The following MMP26 variants were observed in gnomAD, a reference collection of about 807,000 sequenced individuals.
The protein encoded by MMP26 is matrix metalloproteinase-26.
A neutral mutation model predicts 31.0 loss-of-function variants in MMP26; 33 were observed. The observed-to-expected ratio is 1.06, with a 90% CI of 0.81 to 1.42. The LOEUF (loss-of-function observed/expected upper bound fraction) is 1.42. MMP26 is among the 40% of genes most tolerant of loss of function. The probability of loss-of-function intolerance (pLI) is 0.00; values close to 1 mark genes in which losing one functional copy is unlikely to be tolerated. For synonymous variants in MMP26, 122 were observed against 114.9 expected, an observed-to-expected ratio of 1.06 and a Z score of -0.40; for missense variants, 347 against 316.1, an observed-to-expected ratio of 1.10 and a Z score of -0.74.
At chr11:4,783,467 C>T (rs34740482) in intron 2 of MMP26, among the ~76,000 whole-genome samples, 14,432 of 152,160 alleles carry the variant, frequency 0.095, 853 homozygotes, top group Middle Eastern at 0.15. Context: ...AACTTGCTTT[C>T]GATTTTACAG....
At chr11:4,988,398 A>G in intron 3 of MMP26, 88 bp downstream of exon 3, 1 of 899,472 alleles carries the variant, frequency 1.1e-6, no homozygotes, top group South Asian at 1.3e-5. Flanking sequence ...ACTGCATGGT[A>G]TAATGATAAA....
At chr11:4,933,679 C>T (rs1387259884) in intron 2 of MMP26, among the ~76,000 whole-genome samples, 1 of 150,712 alleles carries the variant, frequency 6.6e-6, no homozygotes, top group Non-Finnish European at 1.5e-5. Flanking sequence ...CCCACTAACT[C>T]GTCATCTAGC....
chr11:4,743,432 G>A (rs1848340059), intron 1 of MMP26, among the ~76,000 whole-genome samples: 1 of 152,130 alleles, frequency 6.6e-6, no homozygotes, highest in Admixed American at 6.5e-5. Context: ...TTAAGGATTT[G>A]AGCTATGGAT....
intron 2 of MMP26, chr11:4,803,623 G>T (rs762936076): frequency 1.2e-6 from 2 of 1,613,976 alleles, no homozygotes. Context: ...GATATAAAGA[G>T]CCAAGATGAC....
intron 2 of MMP26, chr11:4,881,684 T>G: frequency 5.5e-6 from 3 of 547,188 alleles, no homozygotes; most frequent in Non-Finnish European, 9.8e-6. Flanking sequence ...ACTTTGGAGT[T>G]AGTAAATTTG....
chr11:4,800,995 G>C (rs774114745), intron 2 of MMP26, among the ~76,000 whole-genome samples: 20 of 152,116 alleles, frequency 1.3e-4, no homozygotes, highest in Non-Finnish European at 2.5e-4. Context: ...CATCAGCCTG[G>C]ATTTTACTGT....
chr11:4,768,284 C>G (rs536855842), intron 2 of MMP26, among the ~76,000 whole-genome samples: 1 of 152,146 alleles, frequency 6.6e-6, no homozygotes, highest in Admixed American at 6.6e-5. Context: ...ACCCCTAAAG[C>G]TTTTCTTTGG....
intron 2 of MMP26, among the ~76,000 whole-genome samples, chr11:4,820,654 C>A (rs1000579753): frequency 2.0e-5 from 3 of 151,974 alleles, no homozygotes; most frequent in Non-Finnish European, 4.4e-5. Flanking sequence ...CCTCCTCTGT[C>A]ATCGTTGTCT....
intron 2 of MMP26, among the ~76,000 whole-genome samples, chr11:4,902,616 C>G (rs1482362252): frequency 6.6e-6 from 1 of 152,088 alleles, no homozygotes; most frequent in East Asian, 1.9e-4. Context: ...ATTCTTGTGT[C>G]TTTTGCAAAT....
intron 1 of MMP26, among the ~76,000 whole-genome samples, chr11:4,733,387 C>T (rs1848198845): frequency 6.6e-6 from 1 of 151,998 alleles, no homozygotes; most frequent in African/African-American, 2.4e-5. Flanking sequence ...AAGTCTTATG[C>T]CTCTTTAATT....
intron 1 of MMP26, among the ~76,000 whole-genome samples, chr11:4,745,298 A>T (rs558503337): frequency 6.6e-6 from 1 of 152,354 alleles, no homozygotes; most frequent in South Asian, 2.1e-4. Context: ...ATACGGTTGC[A>T]TTTGTAGCTC....
At chr11:4,903,627 G>T (rs975502652) in intron 2 of MMP26, among the ~76,000 whole-genome samples, 9 of 152,192 alleles carry the variant, frequency 5.9e-5, no homozygotes, top group African/African-American at 2.2e-4. Context: ...AAGGTACAAT[G>T]AATACAAAGT....
rs114680009 is a variant in MMP26 at position 4,814,930 on chromosome 11, G to A, written c.-145+47589G>A. ...CGCACCCGTGGCACAGCTTCAGGAG[G>A]TCCTGACGACTTGTGCCCAACAGAG... On this transcript the variant is annotated intron_variant, in intron 2 of 7. Transcript: ENST00000380390. Among the ~76,000 whole-genome samples, 69 of 152,264 alleles carry A rather than the reference G, an allele frequency of 4.5e-4. 1 individual carries two copies. The highest frequency in any genetic ancestry group is 1.6e-3 in the African/African-American group (65 of 41,552).
chr11:4,967,357 T>C (rs763023782), intron 2 of MMP26, among the ~76,000 whole-genome samples: 4 of 152,208 alleles, frequency 2.6e-5, no homozygotes, highest in Non-Finnish European at 5.9e-5. Flanking sequence ...AGAATCGCAA[T>C]TAACTGCAAA....
chr11:4,795,546 A>G (rs1849094032), intron 2 of MMP26, among the ~76,000 whole-genome samples: 1 of 152,220 alleles, frequency 6.6e-6, no homozygotes, highest in South Asian at 2.1e-4. Flanking sequence ...ATCCAGTTTC[A>G]ATAATGTTTA....
At chr11:4,968,849 T>C (rs1846629593) in intron 2 of MMP26, among the ~76,000 whole-genome samples, 2 of 152,030 alleles carry the variant, frequency 1.3e-5, no homozygotes, top group African/African-American at 4.8e-5. Context: ...AAAATATCCA[T>C]GTGAGTTTTC....
intron 2 of MMP26, chr11:4,944,134 C>G: frequency 2.2e-6 from 1 of 455,600 alleles, no homozygotes; most frequent in Non-Finnish European, 4.4e-6. Flanking sequence ...TAGATAGATA[C>G]AGTTATGCAC....
chr11:4,720,010 T>C (rs1847989403), intron 1 of MMP26, among the ~76,000 whole-genome samples: 1 of 152,236 alleles, frequency 6.6e-6, no homozygotes, highest in Non-Finnish European at 1.5e-5. Context: ...AAATTTACCA[T>C]AGACAGCTTG....
rs757261474 is a variant in MMP26, at chr11:4,848,264, C to A, written c.-145+80923C>A. 3 of 1,611,150 alleles carry A rather than the reference C, an allele frequency of 1.9e-6. No individual in the cohort carries two copies. The Admixed American group carries it at 5.0e-5, about 27-fold the overall frequency. On this transcript the variant is annotated intron_variant, in intron 2 of 7. Coordinates refer to ENST00000380390, the MANE Select transcript of MMP26 (RefSeq NM_021801.5). ...ACTGAGCACCACCCACCTTCCTGGG[C>A]TGCAACCTGTTGAGTATTCTCTTTC...
Sources: gnomAD v4.1 joint callset for allele counts (sites outside exome capture counted in the v4.1 genomes callset) on GRCh38, gnomAD v4.1.1 for gene constraint, MANE v1.5 for transcripts, NCBI Gene and HGNC (gene_info 2026-07-23, HGNC 2026-07-21) for gene names.